MACROD2: variants seen among roughly 807,000 people sequenced by gnomAD.
MACROD2 encodes the protein mono-ADP ribosylhydrolase 2, also known as ADP-ribose glycohydrolase MACROD2.
MACROD2 carries 36 observed loss-of-function variants against 70.4 expected under a neutral mutation model. That is an observed-to-expected ratio of 0.51 (90% confidence interval 0.39 to 0.68). The LOEUF (loss-of-function observed/expected upper bound fraction) is 0.68, where lower values mean the gene tolerates loss of function less well. Ranked by LOEUF, MACROD2 falls within the 30% of genes least tolerant of loss-of-function variation. The probability of loss-of-function intolerance (pLI) is 0.00; values close to 1 mark genes in which losing one functional copy is unlikely to be tolerated. For missense variants in MACROD2, 496 were observed against 538.4 expected, an observed-to-expected ratio of 0.92 and a Z score of 0.78; for synonymous variants, 172 against 178.8, an observed-to-expected ratio of 0.96 and a Z score of 0.30.
At chr20:15,757,533 A>G (rs1434506499) in intron 8 of MACROD2, among the ~76,000 whole-genome samples, 2 of 152,176 alleles carry the variant, frequency 1.3e-5, no homozygotes, top group Non-Finnish European at 1.5e-5. Context: ...AAAACTGACC[A>G]ATCTAATACT....
intron 5 of MACROD2, among the ~76,000 whole-genome samples, chr20:14,802,090 C>T (rs951978067): frequency 2.6e-5 from 4 of 151,962 alleles, no homozygotes; most frequent in African/African-American, 2.4e-5. Flanking sequence ...AAGGGCATCT[C>T]GGCCCATCAT....
intron 8 of MACROD2, 22 bp from the exon 9 acceptor site, chr20:15,862,723 G>C: frequency 6.3e-7 from 1 of 1,589,608 alleles, no homozygotes; most frequent in Non-Finnish European, 8.6e-7. Flanking sequence ...TTCACTTTGA[G>C]TGTTTTATCT....
chr20:15,188,281 A>G (rs568045780), intron 5 of MACROD2, among the ~76,000 whole-genome samples: 21 of 152,312 alleles, frequency 1.4e-4, no homozygotes, highest in African/African-American at 5.1e-4. Flanking sequence ...AATGCTGAAA[A>G]GGAGCCAGGG....
At chr20:14,107,166 A>G (rs1272174723) in intron 3 of MACROD2, among the ~76,000 whole-genome samples, 1 of 152,246 alleles carries the variant, frequency 6.6e-6, no homozygotes, top group African/African-American at 2.4e-5. Flanking sequence ...GAAGGAATTC[A>G]AAATTCTATC....
chr20:15,061,300 A>G (rs2075530619), intron 5 of MACROD2, among the ~76,000 whole-genome samples: 1 of 152,182 alleles, frequency 6.6e-6, no homozygotes, highest in Non-Finnish European at 1.5e-5. Context: ...GTCAGGCAGC[A>G]GGAACCTTTC....
intron 6 of MACROD2, among the ~76,000 whole-genome samples, chr20:15,232,614 A>G (rs1165279966): frequency 6.6e-6 from 1 of 152,084 alleles, no homozygotes; most frequent in African/African-American, 2.4e-5. Context: ...GTATTTGACA[A>G]TGTTACTTCA....
intron 3 of MACROD2, among the ~76,000 whole-genome samples, chr20:14,489,076 T>C (rs2084765655): frequency 1.3e-5 from 2 of 152,232 alleles, no homozygotes; most frequent in South Asian, 4.1e-4. Context: ...ATAATCAGTC[T>C]TTTCTTCAAA....
chr20:15,251,561 T>A (rs984973702), intron 6 of MACROD2, among the ~76,000 whole-genome samples: 1 of 152,228 alleles, frequency 6.6e-6, no homozygotes, highest in Non-Finnish European at 1.5e-5. Context: ...CAGAGAATAC[T>A]CATTCATTGC....
intron 5 of MACROD2, among the ~76,000 whole-genome samples, chr20:14,987,528 T>G (rs1225177810): frequency 2.6e-5 from 4 of 152,146 alleles, no homozygotes; most frequent in Non-Finnish European, 5.9e-5. Flanking sequence ...CCAGAGGCTT[T>G]TAAGAATAAG....
intron 8 of MACROD2, among the ~76,000 whole-genome samples, chr20:15,781,192 A>C (rs1446277879): frequency 6.6e-6 from 1 of 152,196 alleles, no homozygotes; most frequent in Non-Finnish European, 1.5e-5. Context: ...GAGAGCATAC[A>C]TAATATGCCT....
chr20:15,729,193 A>C (rs2050907171), intron 8 of MACROD2, among the ~76,000 whole-genome samples: 1 of 151,978 alleles, frequency 6.6e-6, no homozygotes, highest in Admixed American at 6.6e-5. Flanking sequence ...TTGTTGTGTG[A>C]TTTTGAGCAA....
chr20:15,821,979 G>A (rs953015288), intron 8 of MACROD2, among the ~76,000 whole-genome samples: 10 of 152,144 alleles, frequency 6.6e-5, no homozygotes, highest in African/African-American at 2.4e-4. Flanking sequence ...CAACAGTTAG[G>A]ACACTCAATC....
At chr20:14,207,951 T>G (rs1229507204) in intron 3 of MACROD2, among the ~76,000 whole-genome samples, 2 of 152,240 alleles carry the variant, frequency 1.3e-5, no homozygotes, top group African/African-American at 2.4e-5. Context: ...TATTTTCTAT[T>G]TGCATTTGTT....
chr20:15,841,474 T>A (rs923133453), intron 8 of MACROD2, among the ~76,000 whole-genome samples: 2 of 152,138 alleles, frequency 1.3e-5, no homozygotes, highest in African/African-American at 4.8e-5. Context: ...CTTACAGTCA[T>A]GTCAGAAGCC....
intron 5 of MACROD2, among the ~76,000 whole-genome samples, chr20:14,945,837 G>C (rs2074427119): frequency 1.3e-5 from 2 of 152,134 alleles, no homozygotes; most frequent in South Asian, 4.1e-4. Flanking sequence ...TACTCACATA[G>C]AGTTTTATGG....
chr20:14,321,713 A>C (rs375373591), intron 3 of MACROD2, among the ~76,000 whole-genome samples: 1 of 152,192 alleles, frequency 6.6e-6, no homozygotes, highest in Non-Finnish European at 1.5e-5. Context: ...TCATGTTGGC[A>C]TGTAGCTATA....
intron 7 of MACROD2, among the ~76,000 whole-genome samples, chr20:15,438,806 A>C (rs896958978): frequency 2.6e-5 from 4 of 152,210 alleles, no homozygotes; most frequent in African/African-American, 9.6e-5. Context: ...GGAGAAGCTC[A>C]GCAAATATTT....
intron 8 of MACROD2, among the ~76,000 whole-genome samples, chr20:15,764,970 C>T (rs1443627080): frequency 6.6e-6 from 1 of 152,092 alleles, no homozygotes; most frequent in Non-Finnish European, 1.5e-5. Flanking sequence ...TGCTTGTGTC[C>T]ACCTCGAGCC....
intron 8 of MACROD2, among the ~76,000 whole-genome samples, chr20:15,850,521 C>G (rs575166864): frequency 2.0e-5 from 3 of 152,186 alleles, no homozygotes; most frequent in Non-Finnish European, 4.4e-5. Context: ...TGTGTGGGCC[C>G]GCTTATCTTT....
Sources: allele counts gnomAD v4.1 joint callset (sites outside exome capture counted in the v4.1 genomes callset), GRCh38; gene constraint gnomAD v4.1.1; transcripts MANE v1.5; gene names NCBI Gene and HGNC (gene_info 2026-07-23, HGNC 2026-07-21).